CNTFR: variants seen among roughly 807,000 people sequenced by gnomAD.
CNTFR encodes ciliary neurotrophic factor receptor.
A neutral mutation model predicts 40.4 loss-of-function variants in CNTFR; 12 were observed. The ratio of observed to expected loss-of-function variants is 0.30; its 90% CI spans 0.19 to 0.48. The LOEUF is 0.48. Ranked by LOEUF, CNTFR falls within the 20% of genes least tolerant of loss-of-function variation. The pLI is 0.99. For synonymous variants in CNTFR, 202 were observed against 209.6 expected (o/e 0.96, Z 0.31); for missense variants, 414 against 506.8 (o/e 0.82, Z 1.76).
At chr9:34,574,666 G>A (rs534848745) in intron 2 of CNTFR, among the ~76,000 whole-genome samples, 2 of 152,228 alleles carry the variant, frequency 1.3e-5, no homozygotes, top group South Asian at 2.1e-4. Flanking sequence ...GAGTGAGTTG[G>A]GGGGGTTGGT....
intron 2 of CNTFR, among the ~76,000 whole-genome samples, chr9:34,578,697 C>T (rs1005741954): frequency 2.0e-5 from 3 of 152,226 alleles, no homozygotes; most frequent in African/African-American, 7.2e-5. Context: ...ATTCCAGGTC[C>T]TATTCTGCCC....
Position 34,551,662 on chromosome 9 carries a change from C to T in CNTFR, c.*409G>A, listed in dbSNP as rs1825627846. The T allele has an allele frequency of 2.9e-6, 1 of 342,962 alleles. No homozygotes were observed. The highest frequency in any genetic ancestry group is 2.7e-5 in the South Asian group (1 of 36,864). The allele number at this position is 342,962 out of a possible 1,614,324, so 21.2% of individuals were successfully genotyped here. On this transcript the variant is annotated 3_prime_UTR_variant, in exon 10 of 10. Coordinates refer to ENST00000378980, the MANE Select transcript of CNTFR (RefSeq NM_147164.3). ...GGGGGAGGGGGATGGCTGGGCCCCCCCAGCATCAGGAGCTTATAATCTGAT... is the reference window on the plus strand; with the variant it reads ...GGGGGAGGGGGATGGCTGGGCCCCCTCAGCATCAGGAGCTTATAATCTGAT...
intron 7 of CNTFR, among the ~76,000 whole-genome samples, chr9:34,553,852 C>T (rs753930399): frequency 2.6e-5 from 4 of 152,180 alleles, no homozygotes; most frequent in Admixed American, 2.0e-4. Context: ...CCGGCAGGGG[C>T]GGAGGAGGGG....
upstream of CNTFR, among the ~76,000 whole-genome samples, chr9:34,590,565 A>G (rs937842979): frequency 6.6e-6 from 1 of 152,212 alleles, no homozygotes; most frequent in Non-Finnish European, 1.5e-5. Flanking sequence ...CCATGCCTCC[A>G]GTGTCTCCGA....
chr9:34,553,649 C>T (rs963178594), intron 7 of CNTFR, among the ~76,000 whole-genome samples: 5 of 152,134 alleles, frequency 3.3e-5, no homozygotes, highest in African/African-American at 9.7e-5. Flanking sequence ...AGCTGCAGGG[C>T]GCAGGACAGC....
Position 34,568,921 on chromosome 9 carries a change from A to G in CNTFR, c.61T>C (p.Tyr21His). ...CCCTGTGGACTGTGTCTCTGGGCGT[A>G]GACAACTGCGGCGGCGGCGGCAAGC... Reference protein sequence around the residue: ...AVLAAAAAVVYAQRHSPQEAP... With the variant: ...AVLAAAAAVVHAQRHSPQEAP... The change falls in exon 3 of 10, where the codon TAC becomes CAC. Residue 21 changes from tyrosine to histidine, a missense_variant. Transcript: ENST00000378980. The G allele has an allele frequency of 6.3e-7, 1 of 1,599,152 alleles. No homozygotes were observed. Among genetic ancestry groups the G allele is most frequent in the Non-Finnish European group, 8.5e-7 (1 of 1,173,284 alleles).
At chr9:34,590,553 GC>G, upstream of CNTFR, among the ~76,000 whole-genome samples, 1 of 152,242 alleles carries the variant, frequency 6.6e-6, no homozygotes, top group East Asian at 1.9e-4. Flanking sequence ...GGGAGCCCAG[GC>G]CCATGCCTCC....
chr9:34,557,752 T>C lies in CNTFR; in HGVS notation c.438-60A>G. ...CATCAAGGGTCAGGTGGGGCAGAGG[T>C]TGAGGAAAGGTCAAGCCCAAGGCAG... On this transcript the variant is annotated intron_variant, in intron 5 of 9. Coordinates refer to ENST00000378980, the MANE Select transcript of CNTFR (RefSeq NM_147164.3). This position sits in a 1 kb window ranked among gnomAD's most constrained non-coding sequence, Gnocchi z 4.2. 3 of 1,603,542 alleles carry C rather than the reference T, an allele frequency of 1.9e-6. No individual in the cohort carries two copies. Among genetic ancestry groups the C allele is most frequent in the Non-Finnish European group, 2.6e-6 (3 of 1,171,964 alleles).
chr9:34,558,313 C>T (rs1825933172), intron 4 of CNTFR, among the ~76,000 whole-genome samples: 1 of 152,174 alleles, frequency 6.6e-6, no homozygotes, highest in Admixed American at 6.5e-5. Flanking sequence ...GGCCCCAGCC[C>T]CACATCTCCT....
chr9:34,568,721 T>A (rs1240393264), intron 3 of CNTFR, among the ~76,000 whole-genome samples, 176 bp downstream of exon 3: 1 of 152,036 alleles, frequency 6.6e-6, no homozygotes, highest in Non-Finnish European at 1.5e-5. Context: ...ACCACCCTAG[T>A]GTGAGTGTGG....
At position 34,551,740 on chromosome 9, in the gene CNTFR, C is replaced by A. The variant is rs919391759; in HGVS notation, c.*331G>T. 5.3e-4 allele frequency: 281 copies of A among 528,032 alleles called. No homozygotes were observed. Among genetic ancestry groups the A allele is most frequent in the Middle Eastern group, 5.2e-4 (1 of 1,916 alleles). The allele number at this position is 528,032 out of a possible 1,614,324, so 32.7% of individuals were successfully genotyped here. On this transcript the variant is annotated 3_prime_UTR_variant, in exon 10 of 10. Transcript: ENST00000378980. ...AGGAGGCTGGGGCAGGAGGAGAAAT[C>A]GGATGTGAGAGGCTCCCCTCACGTC...
intron 1 of CNTFR, among the ~76,000 whole-genome samples, chr9:34,588,654 A>G (rs533440645): frequency 6.6e-6 from 1 of 152,232 alleles, no homozygotes; most frequent in African/African-American, 2.4e-5. Context: ...TGAATTTTCA[A>G]CAAGGCGTGA....
At chr9:34,580,057 G>A (rs1256734299) in intron 2 of CNTFR, 1 of 152,152 alleles carries the variant, frequency 6.6e-6, no homozygotes, top group Non-Finnish European at 1.5e-5. Context: ...TCTTGCTGCA[G>A]GGAGCCCATT....
At position 34,556,267 on chromosome 9, in the gene CNTFR, G is replaced by A; in HGVS notation, c.756C>T (p.Asp252=). Residue 252 remains aspartate (D), a synonymous_variant, in exon 7 of 10, where the codon GAC becomes GAT. Transcript: ENST00000378980. ...FFLRYRPLIL[D]QWQHVELSDG... is the part of the protein sequence containing the mutation. ...GCAGGGCACTCACATGCTGCCACTG[G>A]TCCAGGATGAGGGGTCGGTAGCGCA... 2 of 1,612,666 alleles carry A rather than the reference G, an allele frequency of 1.2e-6. No homozygotes were observed. The highest frequency in any genetic ancestry group is 8.5e-7 in the Non-Finnish European group (1 of 1,179,466).
chr9:34,586,414 A>C (rs932808439), intron 1 of CNTFR, among the ~76,000 whole-genome samples: 4 of 152,172 alleles, frequency 2.6e-5, no homozygotes, highest in Non-Finnish European at 5.9e-5. Context: ...CACAGATCTG[A>C]GGCTGTTATC....
rs1377763344 is a variant in CNTFR at position 34,552,100 on chromosome 9, G to A, written c.*-29C>T. The A allele has an allele frequency of 1.9e-6, 3 of 1,591,950 alleles. No homozygotes were observed. Among genetic ancestry groups the A allele is most frequent in the African/African-American group, 2.7e-5 (2 of 74,610 alleles). On this transcript the variant is annotated intron_variant, in intron 9 of 9. Transcript: ENST00000378980. The surrounding 1 kb of genome is among the most constrained non-coding windows in gnomAD (Gnocchi z 5.1). ...TAGAGACAGGCAGGGGCCTGTCAGG[G>A]AGGGGGCTGGAGTGGGGGTTCCCTC...
rs926561748 is a variant in CNTFR at position 34,557,955 on chromosome 9, G to A, written c.349C>T (p.Arg117Cys). Reference protein sequence around the residue: ...LPPREPVLSCRSNTYPKGFYC... With the variant: ...LPPREPVLSCCSNTYPKGFYC... ...AAGCCCTTGGGGTAAGTGTTGGAGC[G>A]GCAGCTGAGCACAGGCTCCCGCGGC... Residue 117 changes from arginine to cysteine, a missense_variant, in exon 5 of 10, where the codon CGC becomes TGC. By Grantham distance (180) the Arg-to-Cys change is radical. This residue lies in a region of CNTFR where 250 missense variants were observed against 269.5 expected (regional missense o/e 0.93). Transcript: ENST00000378980. This position sits in a 1 kb window ranked among gnomAD's most constrained non-coding sequence, Gnocchi z 4.2. 9 of 1,557,620 alleles carry A rather than the reference G, an allele frequency of 5.8e-6. No homozygotes were observed. Among genetic ancestry groups the A allele is most frequent in the African/African-American group, 1.4e-5 (1 of 73,040 alleles).
chr9:34,561,069 C>T (rs115814926), intron 4 of CNTFR, among the ~76,000 whole-genome samples: 7,543 of 152,158 alleles, frequency 0.05, 508 homozygotes, highest in African/African-American at 0.14. Context: ...GCCCTACCCA[C>T]GCCCCACCCA....
chr9:34,573,041 CAG>C (rs1416933126), intron 2 of CNTFR, among the ~76,000 whole-genome samples: 1 of 152,220 alleles, frequency 6.6e-6, no homozygotes, highest in Non-Finnish European at 1.5e-5. Flanking sequence ...CGGTAACAAA[CAG>C]ACACAGCGAC....
Sources: allele counts gnomAD v4.1 joint callset (sites outside exome capture counted in the v4.1 genomes callset), GRCh38; gene constraint gnomAD v4.1.1; regional missense constraint gnomAD v4.1.1; non-coding constraint Gnocchi (gnomAD v3.1); transcripts MANE v1.5; gene names NCBI Gene and HGNC (gene_info 2026-07-23, HGNC 2026-07-21).